The following ZNF587 variants were observed in gnomAD, a reference collection of about 807,000 sequenced individuals.
ZNF587 encodes the protein zinc finger protein 587, also known as zinc finger protein zfp6.
In ZNF587, 8 loss-of-function variants were observed where a neutral mutation model predicts 7.5. The ratio of observed to expected loss-of-function variants is 1.06; its 90% CI spans 0.62 to 1.92. The LOEUF (loss-of-function observed/expected upper bound fraction) is 1.92, where lower values mean the gene tolerates loss of function less well. Ranked by LOEUF, ZNF587 falls within the 40% of genes most tolerant of loss-of-function variation. ZNF587 has a pLI of 0.00. For missense variants in ZNF587, 468 were observed against 692.8 expected, an observed-to-expected ratio of 0.68 and a Z score of 3.64; for synonymous variants, 145 against 237.8, an observed-to-expected ratio of 0.61 and a Z score of 3.59.
rs367631275 is a variant in ZNF587, at chr19:57,856,228, C to G, written c.158C>G (p.Ser53Trp). The G allele has an allele frequency of 6.3e-7, 1 of 1,577,916 alleles. No homozygotes were observed. The highest frequency in any genetic ancestry group is 8.6e-7 in the Non-Finnish European group (1 of 1,160,196). Residue 53 changes from serine (S) to tryptophan (W), a missense_variant, in exon 2 of 3, where the codon TCG becomes TGG. By Grantham distance (177) the Ser-to-Trp change is radical. Transcript: ENST00000339656. ...CTAGAGAACCTGGCTCTCATATCCT[C>G]GCTGGGTAAGTTGCTCACGCTCACC... ...VMLENLALIS[S>W]LGCWCGSKDE... is the part of the protein sequence containing the mutation.
At position 57,864,041 on chromosome 19, in the gene ZNF587, C is replaced by T. The variant is rs1224751955; in HGVS notation, c.*3901C>T. On this transcript the variant is annotated 3_prime_UTR_variant, in exon 3 of 3. Transcript: ENST00000339656. Reference sequence around the variant, plus strand: ...CTGGTGACAGAGAGACACATCATCTCAAAAAAAAAAAAAAAACTCAATCCA... The same window carrying T: ...CTGGTGACAGAGAGACACATCATCTTAAAAAAAAAAAAAAAACTCAATCCA... The T allele has an allele frequency of 1.3e-5, 1 of 75,864 alleles. No homozygotes were observed. The highest frequency in any genetic ancestry group is 2.7e-5 in the Non-Finnish European group (1 of 36,782). 4.7% of individuals were successfully genotyped at this position (75,864 alleles called of 1,614,324 possible). A position where few individuals can be genotyped will look rare whatever the true frequency, so the allele number is the denominator to read the frequency against.
Position 57,860,265 on chromosome 19 carries a change from C to CG in ZNF587, c.*127dup. ...AAAACATCAGAATGTCTGCTGTCCT[C>CG]GGTCTTAAGCGACTTCGTGTTGAGA... On this transcript the variant is annotated 3_prime_UTR_variant, in exon 3 of 3. Transcript: ENST00000339656. 1 of 1,545,938 alleles carries CG rather than the reference C, an allele frequency of 6.5e-7. No individual in the cohort carries two copies. Among genetic ancestry groups the CG allele is most frequent in the Admixed American group, 1.8e-5 (1 of 55,024 alleles).
rs199951884 is a variant in ZNF587 at position 57,856,218 on chromosome 19, C to T, written c.148C>T (p.Leu50Phe). Residue 50 changes from leucine (L) to phenylalanine (F), a missense_variant, in exon 2 of 3, where the codon CTC (leucine) becomes TTC (phenylalanine). Around this residue, in one of 5 missense-constraint regions of ZNF587, gnomAD observed 92 missense variants for 89.7 expected, o/e 1.03. Transcript: ENST00000339656. ...TGATGTGATGCTAGAGAACCTGGCT[C>T]TCATATCCTCGCTGGGTAAGTTGCT... The part of the protein sequence containing the change: ...YRDVMLENLA[L>F]ISSLGCWCGS... 6.3e-7 allele frequency: 1 copy of T among 1,587,572 alleles called. No individual in the cohort carries two copies. The highest frequency in any genetic ancestry group is 1.8e-5 in the Admixed American group (1 of 56,408).
intron 1 of ZNF587, among the ~76,000 whole-genome samples, chr19:57,855,592 C>T (rs1345415318): frequency 3.5e-5 from 5 of 142,510 alleles, no homozygotes; most frequent in Admixed American, 2.2e-4. Flanking sequence ...GATGGTGTCT[C>T]GCTCTGTTGG....
intron 1 of ZNF587, among the ~76,000 whole-genome samples, chr19:57,852,603 C>T (rs917770259): frequency 1.1e-4 from 17 of 151,466 alleles, no homozygotes; most frequent in African/African-American, 3.9e-4. Context: ...CTTGGGCTCA[C>T]TGGAGCCTCT....
chr19:57,850,600 A>G (rs2071269505), intron 1 of ZNF587: 1 of 401,714 alleles, frequency 2.5e-6, no homozygotes, highest in South Asian at 1.2e-4. Context: ...GATATTGGGG[A>G]AACCAGCCCC....
chr19:57,859,118 A>G lies in ZNF587; in HGVS notation c.706A>G (p.Arg236Gly). Residue 236 changes from arginine (R) to glycine (G), a missense_variant, in exon 3 of 3, where the codon AGA (arginine) becomes GGA (glycine). Arg to Gly is a moderately radical substitution (Grantham distance 125, BLOSUM62 -2). Transcript: ENST00000339656. ...TATTCCACACCAGAAACTTTTCACTAGAGATGGATGTTATGTGTGCAGTGA... is the reference window on the plus strand; with the variant it reads ...TATTCCACACCAGAAACTTTTCACTGGAGATGGATGTTATGTGTGCAGTGA... The part of the protein sequence containing the change: ...SVIPHQKLFT[R>G]DGCYVCSDCG... 1.2e-6 allele frequency: 2 copies of G among 1,609,890 alleles called. No individual in the cohort carries two copies. Among genetic ancestry groups the G allele is most frequent in the Non-Finnish European group, 1.7e-6 (2 of 1,178,636 alleles).
chr19:57,855,401 G>A (rs983833328), intron 1 of ZNF587, among the ~76,000 whole-genome samples: 3 of 152,066 alleles, frequency 2.0e-5, no homozygotes, highest in African/African-American at 7.2e-5. Context: ...AGGGGCTGAA[G>A]GTTGGGGAAA....
chr19:57,858,230 G>T, intron 2 of ZNF587: 1 of 282,708 alleles, frequency 3.5e-6, no homozygotes, highest in Non-Finnish European at 6.7e-6. Flanking sequence ...GGGTTCAAAT[G>T]ATTCTCCTGC....
intron 1 of ZNF587, chr19:57,851,110 C>T (rs1432906449): frequency 2.6e-5 from 4 of 152,104 alleles, no homozygotes; most frequent in African/African-American, 7.2e-5. Flanking sequence ...CCCATGGCTT[C>T]CCATGGGTGT....
rs1454115002 is a variant in ZNF587 at position 57,864,114 on chromosome 19, G to C, written c.*3974G>C. 1.4e-5 allele frequency: 2 copies of C among 143,198 alleles called. No homozygotes were observed. The highest frequency in any genetic ancestry group is 5.1e-5 in the African/African-American group (2 of 39,032). The allele number at this position is 143,198 out of a possible 1,614,324, so 8.9% of individuals were successfully genotyped here. On this transcript the variant is annotated 3_prime_UTR_variant, in exon 3 of 3. Coordinates refer to ENST00000339656, the MANE Select transcript of ZNF587 (RefSeq NM_032828.4). ...TATAACAGCATGTTATATGGGCTTA[G>C]ATATTATCCCTAAATTTTTTTTTTT...
Sources: allele counts gnomAD v4.1 joint callset (sites outside exome capture counted in the v4.1 genomes callset), GRCh38; gene constraint gnomAD v4.1.1; regional missense constraint gnomAD v4.1.1; transcripts MANE v1.5; gene names NCBI Gene and HGNC (gene_info 2026-07-23, HGNC 2026-07-21).